Variants in ARID3B observed in about 807,000 individuals in gnomAD.
ARID3B encodes AT-rich interactive domain-containing protein 3B.
ARID3B carries 10 observed loss-of-function variants against 51.9 expected under a neutral mutation model. That is an observed-to-expected ratio of 0.19 (90% CI 0.12 to 0.33). The LOEUF is 0.33. ARID3B is among the 10% of genes least tolerant of loss of function. ARID3B has a pLI of 1.00. For synonymous variants in ARID3B, 205 were observed against 279.5 expected (o/e 0.73, Z 2.66); for missense variants, 483 against 716.3 (o/e 0.67, Z 3.72).
Position 74,591,041 on chromosome 15 carries a change from G to A in ARID3B, c.882-110G>A. 1 of 1,489,568 alleles carries A rather than the reference G, an allele frequency of 6.7e-7. No homozygotes were observed. The highest frequency in any genetic ancestry group is 1.4e-5 in the South Asian group (1 of 72,976). 92.3% of individuals were successfully genotyped at this position (1,489,568 alleles called of 1,614,324 possible). ...AAGTATACCAAGGTTGCAATCCTTT[G>A]CCCTAGAGTCCTGCCCAACAGAGAC... is the stretch of plus-strand genomic sequence containing the variant. On this transcript the variant is annotated intron_variant, in intron 5 of 8. Coordinates refer to ENST00000346246, the MANE Select transcript of ARID3B (RefSeq NM_006465.4). The surrounding 1 kb of genome is among the most constrained non-coding windows in gnomAD (Gnocchi z 5.8).
chr15:74,546,444 G>T (rs1047227370), intron 2 of ARID3B, among the ~76,000 whole-genome samples: 1 of 152,264 alleles, frequency 6.6e-6, no homozygotes, highest in African/African-American at 2.4e-5. Context: ...AACAAGTGGA[G>T]CTCCAGAGCC....
Position 74,597,775 on chromosome 15 carries a change from C to T in ARID3B, c.*2001C>T, listed in dbSNP as rs1442512398. ...TCCGGTCATTGGATCCTCTCCCTTT[C>T]CCCAGGCAGCTCGCCTGGCCACACC... On this transcript the variant is annotated 3_prime_UTR_variant, in exon 9 of 9. Transcript: ENST00000346246. The T allele has an allele frequency of 4.4e-6, 2 of 457,710 alleles. No individual in the cohort carries two copies. Among genetic ancestry groups the T allele is most frequent in the East Asian group, 8.0e-5 (2 of 24,964 alleles). The allele number at this position is 457,710 out of a possible 1,614,324, so 28.4% of individuals were successfully genotyped here.
chr15:74,593,173 C>A lies in ARID3B; in HGVS notation c.1456C>A (p.Leu486Met). ...RAEASAAALN[L>M]TTSSIGSINM... ...AGAGGCCTCGGCTGCAGCACTGAAC[C>A]TGACCACGAGTAGCATTGGGAGCAT... Residue 486 changes from leucine (L) to methionine (M), a missense_variant, in exon 8 of 9, where the codon CTG (leucine) becomes ATG (methionine). Leu to Met is a conservative substitution (Grantham distance 15). Around this residue, in one of 3 missense-constraint regions of ARID3B, gnomAD observed 265 missense variants for 354.4 expected, o/e 0.75. Transcript: ENST00000346246. 1 of 1,613,818 alleles carries A rather than the reference C, an allele frequency of 6.2e-7. No homozygotes were observed. The highest frequency in any genetic ancestry group is 8.5e-7 in the Non-Finnish European group (1 of 1,179,994).
At position 74,544,417 on chromosome 15, in the gene ARID3B, G is replaced by A; in HGVS notation, c.481G>A (p.Ala161Thr). The A allele has an allele frequency of 6.2e-7, 1 of 1,614,158 alleles. No homozygotes were observed. Among genetic ancestry groups the A allele is most frequent in the Non-Finnish European group, 8.5e-7 (1 of 1,180,040 alleles). Residue 161 changes from alanine to threonine, a missense_variant, in exon 2 of 9, where the codon GCT becomes ACT. Ala to Thr is a moderately conservative substitution (Grantham distance 58). Around this residue, in one of 3 missense-constraint regions of ARID3B, gnomAD observed 182 missense variants for 244.5 expected, o/e 0.74. Coordinates refer to ENST00000346246, the MANE Select transcript of ARID3B (RefSeq NM_006465.4). The part of the protein sequence containing the change: ...QQAKEDHTKD[A>T]SKASPSVSTA... ...AGCTAAAGAAGACCATACCAAAGAT[G>A]CTTCCAAGGCCTCACCTTCTGTCTC... is the stretch of plus-strand genomic sequence containing the variant.
chr15:74,579,443 C>G (rs945459713), intron 4 of ARID3B, among the ~76,000 whole-genome samples: 11 of 152,182 alleles, frequency 7.2e-5, no homozygotes, highest in African/African-American at 2.7e-4. Context: ...AGCACATCCT[C>G]CCCACTCTGG....
intron 4 of ARID3B, among the ~76,000 whole-genome samples, 188 bp from the exon 5 acceptor site, chr15:74,589,632 C>G (rs1045826545): frequency 6.6e-6 from 1 of 152,216 alleles, no homozygotes; most frequent in Admixed American, 6.5e-5. Flanking sequence ...CAAAGGCCCA[C>G]ACAGCCTGTG....
At chr15:74,554,201 G>T (rs1423173974) in intron 2 of ARID3B, among the ~76,000 whole-genome samples, 1 of 151,730 alleles carries the variant, frequency 6.6e-6, no homozygotes, top group East Asian at 1.9e-4. Context: ...AGAGAACGGG[G>T]TTTCTCCATG....
At chr15:74,582,203 T>G (rs2061764413) in intron 4 of ARID3B, among the ~76,000 whole-genome samples, 1 of 151,976 alleles carries the variant, frequency 6.6e-6, no homozygotes, top group Non-Finnish European at 1.5e-5. Flanking sequence ...AGTCTCACTC[T>G]GTCGCCCAGG....
chr15:74,594,899 T>C (rs2061818511), intron 8 of ARID3B, among the ~76,000 whole-genome samples: 1 of 152,160 alleles, frequency 6.6e-6, no homozygotes, highest in Admixed American at 6.5e-5. Context: ...GGGGTTGGAA[T>C]TAGGTCCATG....
At chr15:74,566,774 TAAAA>T (rs1441877340) in intron 2 of ARID3B, among the ~76,000 whole-genome samples, 1 of 152,004 alleles carries the variant, frequency 6.6e-6, no homozygotes, top group Non-Finnish European at 1.5e-5. Flanking sequence ...ATTTTTAAAA[TAAAA>T]AAAGAGCATA....
chr15:74,562,758 ATT>A (rs2061683507), intron 2 of ARID3B, among the ~76,000 whole-genome samples: 1 of 152,210 alleles, frequency 6.6e-6, no homozygotes, highest in African/African-American at 2.4e-5. Flanking sequence ...AAGTCATACT[ATT>A]TTATATTTCC....
At chr15:74,593,276 A>G in intron 8 of ARID3B, 40 bp downstream of exon 8, 1 of 1,575,190 alleles carries the variant, frequency 6.3e-7, no homozygotes, top group Non-Finnish European at 8.6e-7. Context: ...ACGTGGCCGC[A>G]GCTAGCCACA....
intron 2 of ARID3B, among the ~76,000 whole-genome samples, chr15:74,546,641 A>G (rs2061616892): frequency 6.6e-6 from 1 of 152,226 alleles, no homozygotes; most frequent in Non-Finnish European, 1.5e-5. Context: ...GGCTGTTGGC[A>G]TTTGAAACTC....
In ARID3B at chr15:74,544,095, T is replaced by C; in HGVS notation, c.159T>C (p.Leu53=). 4 of 1,613,964 alleles carry C rather than the reference T, an allele frequency of 2.5e-6. No individual in the cohort carries two copies. The highest frequency in any genetic ancestry group is 3.4e-6 in the Non-Finnish European group (4 of 1,179,874). Residue 53 remains leucine (L), a synonymous_variant, in exon 2 of 9, where the codon CTT becomes CTC. Coordinates refer to ENST00000346246, the MANE Select transcript of ARID3B (RefSeq NM_006465.4). ...AQKLVTQPTL[L]SATAGRPSGS... is the part of the protein sequence containing the mutation. Reference sequence around the variant, plus strand: ...AGCTGGTCACACAGCCGACTCTCCTTTCCGCCACAGCTGGGAGACCTTCTG... The same window carrying C: ...AGCTGGTCACACAGCCGACTCTCCTCTCCGCCACAGCTGGGAGACCTTCTG...
In ARID3B at chr15:74,544,502, G is replaced by A. The variant is rs779496302; in HGVS notation, c.552+14G>A. On this transcript the variant is annotated intron_variant, in intron 2 of 8. Transcript: ENST00000346246. ...CAGCTCAAGCAGGTCAGTCTTTCTG[G>A]TATTGTAGGTCATTTGGTCTTCCTG... 5 of 1,605,056 alleles carry A rather than the reference G, an allele frequency of 3.1e-6. No homozygotes were observed. The highest frequency in any genetic ancestry group is 3.4e-6 in the Non-Finnish European group (4 of 1,175,058).
At chr15:74,559,316 T>C (rs938727357) in intron 2 of ARID3B, among the ~76,000 whole-genome samples, 1 of 152,130 alleles carries the variant, frequency 6.6e-6, no homozygotes, top group Non-Finnish European at 1.5e-5. Flanking sequence ...ACGGGTAGAG[T>C]GTTAAATGTT....
chr15:74,585,395 G>A (rs183057674), intron 4 of ARID3B, among the ~76,000 whole-genome samples: 97 of 152,332 alleles, frequency 6.4e-4, no homozygotes, highest in Middle Eastern at 3.4e-3. Context: ...GCTTGTGGAC[G>A]TGAACTTCAC....
intron 2 of ARID3B, among the ~76,000 whole-genome samples, chr15:74,554,373 G>T (rs1265779258): frequency 1.3e-5 from 2 of 152,048 alleles, no homozygotes; most frequent in African/African-American, 4.8e-5. Context: ...CATGATTTCT[G>T]CTCACTGTAA....
rs368778270 is a variant in ARID3B at position 74,584,504 on chromosome 15, C to T, written c.698-5316C>T. On this transcript the variant is annotated intron_variant, in intron 4 of 8. Transcript: ENST00000346246. ...CACCCTGGGTCCTGGGCCCTCACCC[C>T]TGCCCAGTGGGCAGGAAGGCAGCCA... Among the ~76,000 whole-genome samples the T allele has an allele frequency of 1.1e-3, 175 of 152,328 alleles. 1 individual carries two copies. In the Middle Eastern group the frequency reaches 0.024, roughly 21 times the overall value.
Sources: allele counts gnomAD v4.1 joint callset (sites outside exome capture counted in the v4.1 genomes callset), GRCh38; gene constraint gnomAD v4.1.1; regional missense constraint gnomAD v4.1.1; non-coding constraint Gnocchi (gnomAD v3.1); transcripts MANE v1.5; gene names NCBI Gene and HGNC (gene_info 2026-07-23, HGNC 2026-07-21).